The following SPAG9 variants were observed in gnomAD, a reference collection of about 807,000 sequenced individuals.
SPAG9 encodes sperm associated antigen 9.
In SPAG9, 35 loss-of-function variants were observed where a neutral mutation model predicts 166.5. The observed-to-expected ratio is 0.21, with a 90% CI of 0.16 to 0.28. The LOEUF (loss-of-function observed/expected upper bound fraction) is 0.28. Ranked by LOEUF, SPAG9 falls within the 10% of genes least tolerant of loss-of-function variation. SPAG9 has a pLI of 1.00. For synonymous variants in SPAG9, 534 were observed against 565.5 expected (o/e 0.94, Z 0.79); for missense variants, 1,235 against 1,603.3 (o/e 0.77, Z 3.92).
At position 51,055,353 on chromosome 17, in the gene SPAG9, T is replaced by TCACA. The variant is rs144478419; in HGVS notation, c.495+1055_495+1058dup. ...GGGCAACAGAGCAAGACTCTCTCTC[T>TCACA]CACACACACACACACACAAGCAACA... On this transcript the variant is annotated intron_variant, in intron 3 of 29. Transcript: ENST00000262013. Among the ~76,000 whole-genome samples the TCACA allele has an allele frequency of 4.7e-5, 7 of 148,886 alleles. No individual in the cohort carries two copies. The East Asian group carries it at 5.8e-4, about 12-fold the overall frequency.
At chr17:51,082,377 CAAAAAAAA>C (rs773287286) in intron 1 of SPAG9, among the ~76,000 whole-genome samples, 2 of 48,940 alleles carry the variant, frequency 4.1e-5, no homozygotes, top group African/African-American at 7.4e-5. Context: ...AAGACTGTCT[CAAAAAAAA>C]AAAAAAAAAA....
At chr17:51,077,041 T>TCTAGCTAGCTATCTAGCTAGCTATCTAG (rs1219566936) in intron 2 of SPAG9, among the ~76,000 whole-genome samples, 4 of 98,558 alleles carry the variant, frequency 4.1e-5, no homozygotes, top group Admixed American at 9.1e-5. Flanking sequence ...TATCTAGCTA[T>TCTAGCTAGCTATCTAGCTAGCTATCTAG]CTAGCTATCT....
chr17:51,091,699 A>G (rs2144691025), intron 1 of SPAG9, among the ~76,000 whole-genome samples: 1 of 152,044 alleles, frequency 6.6e-6, no homozygotes, highest in South Asian at 2.1e-4. Flanking sequence ...GAGCTTTTTC[A>G]GCAGGTATAA....
intron 29 of SPAG9, among the ~76,000 whole-genome samples, chr17:50,967,775 CAGGAAATGAAAA>C (rs1450903469): frequency 1.2e-4 from 18 of 151,940 alleles, no homozygotes; most frequent in Non-Finnish European, 1.6e-4. Context: ...TAAAATATTA[CAGGAAATGAAAA>C]AGGAAATGGA....
At position 51,114,185 on chromosome 17, in the gene SPAG9, G is replaced by A. The variant is rs180670717; in HGVS notation, c.303+6169C>T. On this transcript the variant is annotated intron_variant, in intron 1 of 29. Transcript: ENST00000262013. ...TATTAAAACTACAAAAATTAGCCGG[G>A]CGTGCTGGCGCGTGCCTGTAATCCC... Among the ~76,000 whole-genome samples, 529 of 152,134 alleles carry A rather than the reference G, an allele frequency of 3.5e-3. 2 individuals are homozygous for A. The highest frequency in any genetic ancestry group is 0.012 in the African/African-American group (509 of 41,490).
chr17:51,111,420 G>C (rs1218630249), intron 1 of SPAG9, among the ~76,000 whole-genome samples: 1 of 152,128 alleles, frequency 6.6e-6, no homozygotes, highest in Non-Finnish European at 1.5e-5. Context: ...TAAGCAGCAT[G>C]TAGTTAAAGG....
chr17:51,095,296 T>TTA (rs2048580537), intron 1 of SPAG9, among the ~76,000 whole-genome samples: 1 of 83,474 alleles, frequency 1.2e-5, no homozygotes, highest in Non-Finnish European at 2.2e-5. Flanking sequence ...ACTCCATCTT[T>TTA]AAAAAAAAAA....
At chr17:51,115,023 G>A (rs951705530) in intron 1 of SPAG9, among the ~76,000 whole-genome samples, 1 of 151,906 alleles carries the variant, frequency 6.6e-6, no homozygotes, top group Admixed American at 6.6e-5. Context: ...CTATTTTCCT[G>A]CCCATGAGTC....
At position 51,107,744 on chromosome 17, in the gene SPAG9, T is replaced by TA. The variant is rs35218447; in HGVS notation, c.303+12609dup. 3.8e-3 allele frequency among the ~76,000 whole-genome samples: 531 copies of TA among 138,284 alleles called. 3 individuals are homozygous for TA. Among genetic ancestry groups the TA allele is most frequent in the Middle Eastern group, 0.023 (6 of 266 alleles). The allele number at this position is 138,284 out of a possible 152,430, so 90.7% of individuals were successfully genotyped here. Reference sequence around the variant, plus strand: ...AGCAAGACTCCATCAAAAAAAAGGTTAAAAAAAAAAAAAAGGCAATAATAG... The same window carrying TA: ...AGCAAGACTCCATCAAAAAAAAGGTTAAAAAAAAAAAAAAAGGCAATAATAG... On this transcript the variant is annotated intron_variant, in intron 1 of 29. Coordinates refer to ENST00000262013, the MANE Select transcript of SPAG9 (RefSeq NM_001130528.3).
chr17:50,964,807 C>T lies in SPAG9; in HGVS notation c.*1465G>A, dbSNP rs1288906828. 4.8e-6 allele frequency: 2 copies of T among 417,220 alleles called. No homozygotes were observed. Among genetic ancestry groups the T allele is most frequent in the African/African-American group, 2.1e-5 (1 of 47,778 alleles). 25.8% of individuals were successfully genotyped at this position (417,220 alleles called of 1,614,324 possible). A position where few individuals can be genotyped will look rare whatever the true frequency, so the allele number is the denominator to read the frequency against. ...TTGCTCCGTCACCCAGGCTGGAGTG[C>T]AGTGGTGCTATCAAGGCTCACTGCA... On this transcript the variant is annotated 3_prime_UTR_variant, in exon 30 of 30. Transcript: ENST00000262013.
intron 6 of SPAG9, 176 bp downstream of exon 6, chr17:51,031,505 A>G: frequency 1.7e-6 from 1 of 579,142 alleles, no homozygotes; most frequent in Admixed American, 3.0e-5. Flanking sequence ...TACAGATTGC[A>G]GTAAAGCCCT....
chr17:50,986,520 A>G (rs79152164), intron 22 of SPAG9, among the ~76,000 whole-genome samples: 2,064 of 152,320 alleles, frequency 0.014, 50 homozygotes, highest in African/African-American at 0.048. Context: ...TGCCAGCATC[A>G]TAACAGTGGT....
chr17:50,995,432 CA>C lies in SPAG9; in HGVS notation c.2058+11del, dbSNP rs776022381. The C allele has an allele frequency of 5.0e-6, 8 of 1,587,920 alleles. No individual in the cohort carries two copies. The South Asian group carries it at 9.0e-5, about 18-fold the overall frequency. On this transcript the variant is annotated intron_variant, in intron 17 of 29. Coordinates refer to ENST00000262013, the MANE Select transcript of SPAG9 (RefSeq NM_001130528.3). ...TTAGAAAACATCTCCTTTTAATTCA[CA>C]ATGAACTTACCTTCATTGATGTATC... is the stretch of plus-strand genomic sequence containing the variant.
intron 19 of SPAG9, among the ~76,000 whole-genome samples, chr17:50,991,425 A>G (rs1188683059): frequency 6.6e-6 from 1 of 151,996 alleles, no homozygotes; most frequent in African/African-American, 2.4e-5. Flanking sequence ...ATATAAAAAT[A>G]TTTACAATAT....
chr17:50,973,994 AAT>A (rs1226408960), intron 28 of SPAG9, among the ~76,000 whole-genome samples: 3 of 152,150 alleles, frequency 2.0e-5, no homozygotes, highest in Non-Finnish European at 4.4e-5. Context: ...AACCCTGACT[AAT>A]ATACTACATC....
At chr17:51,089,620 T>TTATTTATATATA (rs1345678320) in intron 1 of SPAG9, among the ~76,000 whole-genome samples, 1 of 40,472 alleles carries the variant, frequency 2.5e-5, no homozygotes, top group African/African-American at 9.9e-5. Context: ...ACACTTTATT[T>TTATTTATATATA]TATATATATA....
intron 6 of SPAG9, among the ~76,000 whole-genome samples, chr17:51,021,644 A>G (rs571460826): frequency 1.1e-4 from 16 of 152,334 alleles, no homozygotes; most frequent in African/African-American, 3.6e-4. Flanking sequence ...ATTAATGTCA[A>G]TATCATTCTT....
intron 9 of SPAG9, 80 bp from the exon 10 acceptor site, chr17:51,007,406 CAA>C: frequency 1.4e-6 from 1 of 716,564 alleles, no homozygotes; most frequent in Non-Finnish European, 2.2e-6. Flanking sequence ...GCTATAGTCA[CAA>C]GTTTTATTTT....
chr17:51,046,644 A>G (rs1303995460), intron 4 of SPAG9: 1 of 1,535,992 alleles, frequency 6.5e-7, no homozygotes, highest in Admixed American at 2.0e-5. Flanking sequence ...AAACAGCAGC[A>G]TGCATCCAGG....
Sources: gnomAD v4.1 joint callset for allele counts (sites outside exome capture counted in the v4.1 genomes callset) on GRCh38, gnomAD v4.1.1 for gene constraint, MANE v1.5 for transcripts, NCBI Gene and HGNC (gene_info 2026-07-23, HGNC 2026-07-21) for gene names.